Variants in AKAP13 observed in about 807,000 individuals in gnomAD.
The protein encoded by AKAP13 is A-kinase anchor protein 13.
Under a neutral mutation model 264.5 loss-of-function variants are expected in AKAP13, and 80 were observed. The ratio of observed to expected loss-of-function variants is 0.30; its 90% CI spans 0.25 to 0.36. The LOEUF is 0.36. AKAP13 is among the 10% of genes least tolerant of loss of function. The pLI is 1.00. For missense variants in AKAP13, 3,712 were observed against 3,435.2 expected, an observed-to-expected ratio of 1.08 and a Z score of -2.01; for synonymous variants, 1,380 against 1,250.2, an observed-to-expected ratio of 1.10 and a Z score of -2.19.
At chr15:85,674,382 T>C (rs555158525) in intron 14 of AKAP13, among the ~76,000 whole-genome samples, 2 of 152,214 alleles carry the variant, frequency 1.3e-5, no homozygotes, top group Admixed American at 6.5e-5. Flanking sequence ...ATGAATTTCA[T>C]GTTCAGATGT....
At chr15:85,382,580 C>G (rs764079648) in intron 1 of AKAP13, among the ~76,000 whole-genome samples, 4 of 152,144 alleles carry the variant, frequency 2.6e-5, no homozygotes, top group Admixed American at 6.5e-5. Context: ...CATGACGTGA[C>G]GAGTGCACTA....
chr15:85,583,066 A>T, intron 7 of AKAP13: 1 of 985,480 alleles, frequency 1.0e-6, no homozygotes, highest in African/African-American at 1.7e-5. Flanking sequence ...TGGCTCCTGA[A>T]GTCTTTAAAG....
intron 19 of AKAP13, 142 bp downstream of exon 19, chr15:85,710,787 A>G: frequency 1.1e-6 from 1 of 906,982 alleles, no homozygotes; most frequent in Non-Finnish European, 1.7e-6. Context: ...CTGCTGTTTT[A>G]TCCTGCAGAT....
chr15:85,515,571 A>C lies in AKAP13; in HGVS notation c.34-5857A>C, dbSNP rs1275613305. On this transcript the variant is annotated intron_variant, in intron 2 of 36. Coordinates refer to ENST00000394518, the MANE Select transcript of AKAP13 (RefSeq NM_007200.5). ...TTGTTTTTATTAAGTATTCACTCCA[A>C]AATCATGTGTTGTGTTTAGTTGGCA... Among the ~76,000 whole-genome samples the C allele has an allele frequency of 1.4e-5, 2 of 138,886 alleles. 1 individual carries two copies. The highest frequency in any genetic ancestry group is 3.1e-5 in the Non-Finnish European group (2 of 64,734). 91.1% of individuals were successfully genotyped at this position (138,886 alleles called of 152,430 possible).
At chr15:85,424,514 T>C (rs1486837366) in intron 1 of AKAP13, among the ~76,000 whole-genome samples, 1 of 152,200 alleles carries the variant, frequency 6.6e-6, no homozygotes, top group Non-Finnish European at 1.5e-5. Context: ...TGGCCTTTGG[T>C]TTAAGGGAAC....
chr15:85,720,003 C>T (rs1240995473), intron 23 of AKAP13, among the ~76,000 whole-genome samples: 1 of 151,862 alleles, frequency 6.6e-6, no homozygotes, highest in Admixed American at 6.6e-5. Context: ...GAGGCTGAGG[C>T]GGATGGATTG....
chr15:85,631,442 C>T (rs2081798851), intron 8 of AKAP13, among the ~76,000 whole-genome samples: 1 of 151,494 alleles, frequency 6.6e-6, no homozygotes, highest in Admixed American at 6.6e-5. Context: ...TGAATTACAT[C>T]TCAATAAGGA....
intron 8 of AKAP13, 114 bp downstream of exon 8, chr15:85,585,937 C>T: frequency 1.5e-6 from 2 of 1,370,388 alleles, no homozygotes; most frequent in South Asian, 1.3e-5. Flanking sequence ...TAGTATTTTC[C>T]CCCTTCCCTC....
intron 16 of AKAP13, 78 bp from the exon 17 acceptor site, chr15:85,693,199 A>G (rs1045844334): frequency 2.1e-6 from 3 of 1,436,538 alleles, no homozygotes; most frequent in Non-Finnish European, 2.7e-6. Flanking sequence ...TGTTAACCAC[A>G]TGCCATCTGG....
intron 1 of AKAP13, among the ~76,000 whole-genome samples, chr15:85,398,005 G>C (rs2071202511): frequency 6.6e-6 from 1 of 152,156 alleles, no homozygotes; most frequent in Non-Finnish European, 1.5e-5. Flanking sequence ...TATGGATGAG[G>C]AGACAGAGGC....
chr15:85,403,560 G>A (rs1276379234), intron 1 of AKAP13, among the ~76,000 whole-genome samples: 5 of 152,166 alleles, frequency 3.3e-5, no homozygotes, highest in Non-Finnish European at 7.4e-5. Context: ...CTGATGTGAG[G>A]TCGGGCGCAG....
chr15:85,562,688 T>C (rs1222422590), intron 5 of AKAP13, among the ~76,000 whole-genome samples: 1 of 61,378 alleles, frequency 1.6e-5, no homozygotes, highest in Non-Finnish European at 3.4e-5. Flanking sequence ...TTTCTTTTCT[T>C]TTCTTTTTTT....
At chr15:85,535,152 G>C (rs892225292) in intron 4 of AKAP13, 1 of 152,236 alleles carries the variant, frequency 6.6e-6, no homozygotes, top group African/African-American at 2.4e-5. Flanking sequence ...CCACAGGTGA[G>C]CAGTTCCTGA....
At chr15:85,454,804 T>G (rs1241518973) in intron 1 of AKAP13, among the ~76,000 whole-genome samples, 1 of 152,176 alleles carries the variant, frequency 6.6e-6, no homozygotes, top group Non-Finnish European at 1.5e-5. Flanking sequence ...CACACCTTAG[T>G]TGTTATCTTG....
intron 10 of AKAP13, among the ~76,000 whole-genome samples, chr15:85,647,116 A>G (rs2082594322): frequency 6.6e-6 from 1 of 152,130 alleles, no homozygotes; most frequent in African/African-American, 2.4e-5. Context: ...TTACAAGAAT[A>G]GGCCGGGTGT....
intron 2 of AKAP13, among the ~76,000 whole-genome samples, chr15:85,505,664 C>T (rs1424075307): frequency 1.3e-5 from 2 of 151,864 alleles, no homozygotes; most frequent in Non-Finnish European, 2.9e-5. Context: ...GATTTCTATT[C>T]GTGTTGCATG....
intron 8 of AKAP13, among the ~76,000 whole-genome samples, chr15:85,615,088 TC>T (rs2080875741): frequency 6.6e-6 from 1 of 152,248 alleles, no homozygotes; most frequent in Admixed American, 6.5e-5. Context: ...GAGACCTTGT[TC>T]CTGTAAAGAG....
intron 1 of AKAP13, among the ~76,000 whole-genome samples, chr15:85,423,321 A>C (rs1282036341): frequency 6.6e-6 from 1 of 152,124 alleles, no homozygotes; most frequent in African/African-American, 2.4e-5. Context: ...AATTGGAGTC[A>C]CTCCTCTCCA....
In AKAP13 at chr15:85,580,043, G is replaced by A. The variant is rs2151306489; in HGVS notation, c.1975G>A (p.Asp659Asn). The change falls in exon 7 of 37, where the codon GAT (aspartate) becomes AAT (asparagine). Residue 659 changes from aspartate to asparagine, a missense_variant. This residue lies in a region of AKAP13 where 2,759 missense variants were observed against 2,411.7 expected (regional missense o/e 1.14). Coordinates refer to ENST00000394518, the MANE Select transcript of AKAP13 (RefSeq NM_007200.5). The stretch of plus-strand genomic sequence containing the variant: ...ACCCATTTGTTCTACAACTGGAGAC[G>A]ATAAACTTTGTGCAGACTCTGCATG... ...SSPICSTTGD[D>N]KLCADSACQQ... 7 of 1,614,198 alleles carry A rather than the reference G, an allele frequency of 4.3e-6. No individual in the cohort carries two copies. Among genetic ancestry groups the A allele is most frequent in the African/African-American group, 1.3e-5 (1 of 75,062 alleles).
Sources: allele counts gnomAD v4.1 joint callset (sites outside exome capture counted in the v4.1 genomes callset), GRCh38; gene constraint gnomAD v4.1.1; regional missense constraint gnomAD v4.1.1; transcripts MANE v1.5; gene names NCBI Gene and HGNC (gene_info 2026-07-23, HGNC 2026-07-21).